Variants in IL1RAPL1 observed in about 807,000 individuals in gnomAD.
The protein encoded by IL1RAPL1 is interleukin 1 receptor accessory protein like 1.
In IL1RAPL1, 3 loss-of-function variants were observed where a neutral mutation model predicts 48.4. The ratio of observed to expected loss-of-function variants is 0.06; its 90% CI spans 0.03 to 0.16. IL1RAPL1 has a LOEUF of 0.16. IL1RAPL1 is among the 10% of genes least tolerant of loss of function. The pLI is 1.00. For missense variants in IL1RAPL1, 349 were observed against 530.6 expected (o/e 0.66, Z 3.36); for synonymous variants, 185 against 187.7 (o/e 0.99, Z 0.12).
intron 3 of IL1RAPL1, among the ~76,000 whole-genome samples, chrX:29,389,999 A>G (rs1933834592): frequency 8.9e-6 from 1 of 112,325 alleles, no homozygotes; most frequent in South Asian, 3.7e-4. Flanking sequence ...GATATAAGAG[A>G]GGGACACATG....
In IL1RAPL1 at chrX:29,383,828, C is replaced by G. The variant is rs73462538; in HGVS notation, c.363-12430C>G. 9.4e-3 allele frequency among the ~76,000 whole-genome samples: 1,048 copies of G among 111,865 alleles called. 15 individuals carry two copies. The highest frequency in any genetic ancestry group is 0.032 in the African/African-American group (990 of 30,878). On this transcript the variant is annotated intron_variant, in intron 3 of 10. Coordinates refer to ENST00000378993, the MANE Select transcript of IL1RAPL1 (RefSeq NM_014271.4). ...ATAAAAAAGTTCCCTTCCCCAAAAA[C>G]CTAACTCTGCTTTTAAATTCTACTA...
intron 3 of IL1RAPL1, among the ~76,000 whole-genome samples, chrX:29,381,833 AAT>A (rs35091339): frequency 0.06 from 1,503 of 25,203 alleles, 20 homozygotes; most frequent in Middle Eastern, 0.091. Context: ...AAAAAAAAAA[AAT>A]ATATATATAT....
chrX:29,686,532 A>C (rs1926623094), intron 6 of IL1RAPL1, among the ~76,000 whole-genome samples: 1 of 71,211 alleles, frequency 1.4e-5, no homozygotes, highest in Non-Finnish European at 2.7e-5. Context: ...CACCCCCCTA[A>C]AGATTTATTT....
intron 1 of IL1RAPL1, among the ~76,000 whole-genome samples, chrX:28,703,296 A>G (rs1935324119): frequency 9.0e-6 from 1 of 111,571 alleles, no homozygotes; most frequent in Non-Finnish European, 1.9e-5. Flanking sequence ...CCATGTGAAA[A>G]TGGTTAATCC....
At chrX:29,292,950 C>G (rs1333836884) in intron 3 of IL1RAPL1, among the ~76,000 whole-genome samples, 1 of 111,275 alleles carries the variant, frequency 9.0e-6, no homozygotes, top group African/African-American at 3.3e-5. Context: ...GCACATCAGG[C>G]ACTTTCTGTA....
intron 2 of IL1RAPL1, among the ~76,000 whole-genome samples, chrX:29,061,603 T>A (rs780874913): frequency 5.4e-5 from 6 of 111,343 alleles, no homozygotes; most frequent in Admixed American, 9.5e-5. Flanking sequence ...GTATTACAGG[T>A]GCCCACCACC....
At chrX:29,239,464 A>G (rs958695845) in intron 2 of IL1RAPL1, among the ~76,000 whole-genome samples, 2 of 112,502 alleles carry the variant, frequency 1.8e-5, no homozygotes, top group Non-Finnish European at 3.8e-5. Flanking sequence ...CTGCAGTTGT[A>G]AATTACCAAA....
At chrX:28,735,304 AG>A (rs1383173511) in intron 1 of IL1RAPL1, among the ~76,000 whole-genome samples, 2 of 110,660 alleles carry the variant, frequency 1.8e-5, no homozygotes, top group Non-Finnish European at 3.8e-5. Flanking sequence ...CAATCTATAG[AG>A]TATTTTTTTT....
intron 5 of IL1RAPL1, among the ~76,000 whole-genome samples, chrX:29,506,017 T>G (rs1355017423): frequency 8.9e-6 from 1 of 112,263 alleles, no homozygotes; most frequent in African/African-American, 3.2e-5. Context: ...TCTTGAGAGC[T>G]TCTCATGAAT....
At chrX:28,972,780 A>T (rs1199209589) in intron 2 of IL1RAPL1, among the ~76,000 whole-genome samples, 1 of 110,740 alleles carries the variant, frequency 9.0e-6, no homozygotes, top group African/African-American at 3.3e-5. Flanking sequence ...AAACAAAAAC[A>T]TGTGCTGTGA....
intron 2 of IL1RAPL1, among the ~76,000 whole-genome samples, chrX:28,849,014 A>G (rs930609156): frequency 8.1e-5 from 9 of 111,199 alleles, no homozygotes; most frequent in African/African-American, 2.9e-4. Context: ...AGCTGATAGT[A>G]TTATTGTCTA....
chrX:29,665,620 C>CT (rs1925977745), intron 5 of IL1RAPL1, among the ~76,000 whole-genome samples: 1 of 112,442 alleles, frequency 8.9e-6, no homozygotes, highest in East Asian at 2.8e-4. Flanking sequence ...GACTGTAGAA[C>CT]TGAGCTACAT....
chrX:29,897,953 A>G (rs151315622), intron 6 of IL1RAPL1, among the ~76,000 whole-genome samples: 172 of 111,998 alleles, frequency 1.5e-3, no homozygotes, highest in African/African-American at 5.3e-3. Flanking sequence ...TTTTAAGGCT[A>G]TATGTTTACT....
intron 2 of IL1RAPL1, among the ~76,000 whole-genome samples, chrX:29,237,337 C>A (rs1931329041): frequency 8.9e-6 from 1 of 111,851 alleles, no homozygotes; most frequent in Non-Finnish European, 1.9e-5. Flanking sequence ...TAATTAGATA[C>A]CGCACCCAAT....
At chrX:29,379,728 G>C (rs1032159272) in intron 3 of IL1RAPL1, among the ~76,000 whole-genome samples, 1 of 111,751 alleles carries the variant, frequency 8.9e-6, no homozygotes, top group Non-Finnish European at 1.9e-5. Context: ...CTCAGTGCCT[G>C]CGTCACATTT....
intron 5 of IL1RAPL1, among the ~76,000 whole-genome samples, chrX:29,558,167 G>A (rs764379164): frequency 9.0e-6 from 1 of 111,266 alleles, no homozygotes; most frequent in African/African-American, 3.3e-5. Context: ...GTGCACAGAG[G>A]TCTCTATTCT....
intron 5 of IL1RAPL1, among the ~76,000 whole-genome samples, chrX:29,655,651 C>CAAAA (rs746998144): frequency 7.5e-5 from 2 of 26,744 alleles, no homozygotes; most frequent in Non-Finnish European, 1.3e-4. Context: ...TGACAGTCTC[C>CAAAA]AAAAAAAAAA....
At chrX:29,802,791 GTATATATA>G (rs1195101220) in intron 6 of IL1RAPL1, among the ~76,000 whole-genome samples, 3 of 34,104 alleles carry the variant, frequency 8.8e-5, no homozygotes, top group African/African-American at 4.2e-4. Flanking sequence ...ATGTGTGTGT[GTATATATA>G]TATATATATA....
intron 5 of IL1RAPL1, 70 bp from the exon 6 acceptor site, chrX:29,668,360 T>C: frequency 1.1e-6 from 1 of 939,428 alleles, no homozygotes; most frequent in South Asian, 2.0e-5. Flanking sequence ...GAAAATAGAC[T>C]GTATTCTATC....
Sources: allele counts gnomAD v4.1 joint callset (sites outside exome capture counted in the v4.1 genomes callset), GRCh38; gene constraint gnomAD v4.1.1; transcripts MANE v1.5; gene names NCBI Gene and HGNC (gene_info 2026-07-23, HGNC 2026-07-21).